Variants in CACNA2D1 observed in about 807,000 individuals in gnomAD.
CACNA2D1 encodes calcium voltage-gated channel auxiliary subunit alpha2delta 1.
A neutral mutation model predicts 171.5 loss-of-function variants in CACNA2D1; 53 were observed. The ratio of observed to expected loss-of-function variants is 0.31; its 90% CI spans 0.25 to 0.39. CACNA2D1 has a LOEUF of 0.39. CACNA2D1 is among the 10% of genes least tolerant of loss of function. The pLI is 1.00. For synonymous variants in CACNA2D1, 442 were observed against 443.1 expected (o/e 1.00, Z 0.03); for missense variants, 903 against 1,299.8 (o/e 0.69, Z 4.69).
At chr7:82,365,932 G>A (rs1821644332) in intron 1 of CACNA2D1, among the ~76,000 whole-genome samples, 1 of 152,104 alleles carries the variant, frequency 6.6e-6, no homozygotes, top group Admixed American at 6.6e-5. Context: ...ACTGGGAGGA[G>A]GTCTTTGTTG....
intron 1 of CACNA2D1, among the ~76,000 whole-genome samples, chr7:82,442,875 G>T (rs565675007): frequency 7.2e-5 from 11 of 152,358 alleles, no homozygotes; most frequent in Admixed American, 5.2e-4. Context: ...GATAAAACGA[G>T]TTTGGGCACT....
At chr7:82,126,068 A>G (rs1157495071) in intron 5 of CACNA2D1, among the ~76,000 whole-genome samples, 1 of 152,204 alleles carries the variant, frequency 6.6e-6, no homozygotes, top group East Asian at 1.9e-4. Context: ...TGTATGTTTT[A>G]TATGTGTTAA....
chr7:82,399,637 T>C (rs1438826270), intron 1 of CACNA2D1, among the ~76,000 whole-genome samples: 1 of 152,054 alleles, frequency 6.6e-6, no homozygotes, highest in Non-Finnish European at 1.5e-5. Context: ...ATCACTTCCT[T>C]TTTATAAACA....
At chr7:82,424,419 T>A (rs1396650709) in intron 1 of CACNA2D1, among the ~76,000 whole-genome samples, 1 of 152,154 alleles carries the variant, frequency 6.6e-6, no homozygotes, top group Non-Finnish European at 1.5e-5. Context: ...AATGAAGAAA[T>A]CATTAATACT....
chr7:82,275,413 C>T (rs1563295104), intron 3 of CACNA2D1, among the ~76,000 whole-genome samples: 1 of 152,212 alleles, frequency 6.6e-6, no homozygotes, highest in East Asian at 1.9e-4. Context: ...TTTTTAACTT[C>T]TCTGATCTTC....
intron 31 of CACNA2D1, among the ~76,000 whole-genome samples, chr7:81,966,923 GA>G (rs1325669707): frequency 7.3e-5 from 11 of 151,346 alleles, no homozygotes; most frequent in African/African-American, 2.7e-4. Context: ...AGACCGAAGA[GA>G]ACCATCATAT....
chr7:82,014,671 A>G lies in CACNA2D1; in HGVS notation c.1144-192T>C, dbSNP rs149091075. 9.0e-3 allele frequency among the ~76,000 whole-genome samples: 1,374 copies of G among 152,296 alleles called. 16 individuals carry two copies. Among genetic ancestry groups the G allele is most frequent in the Non-Finnish European group, 9.3e-3 (630 of 68,018 alleles). On this transcript the variant is annotated intron_variant, in intron 12 of 38. Transcript: ENST00000356860. ...ATAACCTACTGTAAACACAGACTCCAGTTGCTACATTTAAATTTGTACCTG... is the reference window on the plus strand; with the variant it reads ...ATAACCTACTGTAAACACAGACTCCGGTTGCTACATTTAAATTTGTACCTG...
chr7:82,026,868 T>C (rs1801990570), intron 12 of CACNA2D1, among the ~76,000 whole-genome samples: 3 of 151,792 alleles, frequency 2.0e-5, no homozygotes, highest in Non-Finnish European at 4.4e-5. Flanking sequence ...ATGCTGTTGT[T>C]TTAATAAAAT....
intron 12 of CACNA2D1, 149 bp from the exon 13 acceptor site, chr7:82,014,628 A>G: frequency 1.6e-6 from 1 of 641,312 alleles, no homozygotes; most frequent in Non-Finnish European, 2.8e-6. Context: ...CTTCAGAAAG[A>G]GACCAGAGGA....
chr7:81,954,394 G>C (rs1792971033), intron 38 of CACNA2D1, among the ~76,000 whole-genome samples: 1 of 151,834 alleles, frequency 6.6e-6, no homozygotes, highest in Non-Finnish European at 1.5e-5. Context: ...TGTTATTAAA[G>C]ATATCAACTA....
chr7:82,040,478 G>A (rs1378426683), intron 10 of CACNA2D1, among the ~76,000 whole-genome samples: 1 of 132,286 alleles, frequency 7.6e-6, no homozygotes, highest in Non-Finnish European at 1.6e-5. Context: ...AAAACAGAAG[G>A]CTTCAGGAAA....
intron 2 of CACNA2D1, among the ~76,000 whole-genome samples, chr7:82,336,205 C>G (rs1015001225): frequency 6.6e-6 from 1 of 152,098 alleles, no homozygotes; most frequent in African/African-American, 2.4e-5. Flanking sequence ...TTCAACCCTG[C>G]TTTTTTCTGG....
chr7:81,994,289 T>C (rs1797832302), intron 20 of CACNA2D1, among the ~76,000 whole-genome samples: 1 of 152,136 alleles, frequency 6.6e-6, no homozygotes, highest in Non-Finnish European at 1.5e-5. Flanking sequence ...TCCAATATGA[T>C]AATAGACATA....
At chr7:82,213,689 A>C (rs1343197869) in intron 3 of CACNA2D1, among the ~76,000 whole-genome samples, 1 of 151,942 alleles carries the variant, frequency 6.6e-6, no homozygotes, top group East Asian at 1.9e-4. Flanking sequence ...ACCATTGTTT[A>C]CTCTTCTGTC....
chr7:82,430,510 T>A, intron 1 of CACNA2D1, among the ~76,000 whole-genome samples: 1 of 152,142 alleles, frequency 6.6e-6, no homozygotes, highest in East Asian at 1.9e-4. Context: ...GTCATGGTAT[T>A]AATGTATTGG....
intron 4 of CACNA2D1, among the ~76,000 whole-genome samples, chr7:82,148,785 C>T (rs148962663): frequency 6.6e-6 from 1 of 152,142 alleles, no homozygotes; most frequent in Non-Finnish European, 1.5e-5. Context: ...TTGCAGGTGC[C>T]TGCTACCATG....
intron 1 of CACNA2D1, among the ~76,000 whole-genome samples, chr7:82,389,919 A>G (rs10273766): frequency 0.015 from 2,342 of 152,320 alleles, 73 homozygotes; most frequent in African/African-American, 0.053. Flanking sequence ...TAAGTTAAAT[A>G]TATCTCACGT....
At chr7:82,111,334 G>GTA (rs1491276674) in intron 6 of CACNA2D1, among the ~76,000 whole-genome samples, 1 of 103,272 alleles carries the variant, frequency 9.7e-6, no homozygotes, top group East Asian at 2.8e-4. Context: ...ACGCATACAC[G>GTA]TATATATATT....
chr7:82,346,350 T>C (rs1374428571), intron 2 of CACNA2D1, among the ~76,000 whole-genome samples: 1 of 152,194 alleles, frequency 6.6e-6, no homozygotes, highest in African/African-American at 2.4e-5. Flanking sequence ...TCTCACTATA[T>C]GTCAATAAAT....
Sources: gnomAD v4.1 joint callset for allele counts (sites outside exome capture counted in the v4.1 genomes callset) on GRCh38, gnomAD v4.1.1 for gene constraint, MANE v1.5 for transcripts, NCBI Gene and HGNC (gene_info 2026-07-23, HGNC 2026-07-21) for gene names.